Variants in WDR86 observed in about 807,000 individuals in gnomAD.
WDR86 encodes WD repeat-containing protein 86.
Under a neutral mutation model 36.5 loss-of-function variants are expected in WDR86, and 30 were observed. That is an observed-to-expected ratio of 0.82 (90% CI 0.61 to 1.11). The LOEUF is 1.11. Among genes scored for constraint, WDR86 ranks in the 50% most tolerant of loss-of-function variants. The probability of loss-of-function intolerance (pLI) is 0.00; values close to 1 mark genes in which losing one functional copy is unlikely to be tolerated. For missense variants in WDR86, 545 were observed against 561.2 expected, an observed-to-expected ratio of 0.97 and a Z score of 0.29; for synonymous variants, 255 against 252.9, an observed-to-expected ratio of 1.01 and a Z score of -0.08.
downstream of WDR86, among the ~76,000 whole-genome samples, chr7:151,374,776 C>A (rs1299405619): frequency 6.6e-6 from 1 of 152,176 alleles, no homozygotes; most frequent in Non-Finnish European, 1.5e-5. Flanking sequence ...CATATCGAAT[C>A]CTCAGTAGGG....
Position 151,409,964 on chromosome 7 carries a change from G to C in WDR86, c.-375C>G. 9.8e-7 allele frequency: 1 copy of C among 1,020,218 alleles called. No individual in the cohort carries two copies. Among genetic ancestry groups the C allele is most frequent in the Non-Finnish European group, 1.2e-6 (1 of 853,566 alleles). 63.2% of individuals were successfully genotyped at this position (1,020,218 alleles called of 1,614,324 possible). On this transcript the variant is annotated 5_prime_UTR_variant, in exon 1 of 6. Transcript: ENST00000334493. This position sits in a 1 kb window ranked among gnomAD's most constrained non-coding sequence, Gnocchi z 5.2. ...CCCCCCGCCTCCTCTCGCGCCCACG[G>C]GGCTGGGGCGGGGAGAGGAACACGG... is the stretch of plus-strand genomic sequence containing the variant.
downstream of WDR86, among the ~76,000 whole-genome samples, chr7:151,375,399 A>C (rs1337202669): frequency 6.6e-6 from 1 of 152,150 alleles, no homozygotes; most frequent in Admixed American, 6.5e-5. Flanking sequence ...TTGGAAAGGA[A>C]AGTCTCCACA....
chr7:151,409,573 G>C lies in WDR86; in HGVS notation c.17C>G (p.Ser6Trp), dbSNP rs1801044386. 7.1e-7 allele frequency: 1 copy of C among 1,413,310 alleles called. No homozygotes were observed. The highest frequency in any genetic ancestry group is 1.5e-5 in the South Asian group (1 of 65,722). The allele number at this position is 1,413,310 out of a possible 1,614,324, so 87.5% of individuals were successfully genotyped here. The part of the protein sequence containing the change: MGGGG[S>W]ALRVCADHRG... ...GTGGTCGGCGCAGACCCTCAGGGCC[G>C]ACCCGCCGCCCCCCATCCCGCTGGC... The change falls in exon 1 of 6, where the codon TCG becomes TGG. Residue 6 changes from serine (S) to tryptophan (W), a missense_variant. Transcript: ENST00000334493. The surrounding 1 kb of genome is among the most constrained non-coding windows in gnomAD (Gnocchi z 5.2).
Position 151,390,641 on chromosome 7 carries a change from G to A in WDR86, c.726+5135C>T, listed in dbSNP as rs73171850. ...AACAGCTGAAAGGTGAAAGCAACCC[G>A]TGTGTCTATCAACAGGTGACGGATA... On this transcript the variant is annotated intron_variant, in intron 3 of 5. Transcript: ENST00000334493. The surrounding 1 kb of genome is among the most constrained non-coding windows in gnomAD (Gnocchi z 4.5). Among the ~76,000 whole-genome samples, 1,453 of 152,338 alleles carry A rather than the reference G, an allele frequency of 9.5e-3. 13 individuals carry two copies. The highest frequency in any genetic ancestry group is 0.015 in the Non-Finnish European group (1,024 of 68,040).
rs1316754504 is a variant in WDR86, at chr7:151,381,762, C to A, written c.967-16G>T. 6.7e-7 allele frequency: 1 copy of A among 1,490,550 alleles called. No individual in the cohort carries two copies. Among genetic ancestry groups the A allele is most frequent in the Non-Finnish European group, 8.9e-7 (1 of 1,122,066 alleles). 92.3% of individuals were successfully genotyped at this position (1,490,550 alleles called of 1,614,324 possible). ...GGCCGTGCACCTGCGGGCGCAGGGGCGGGCGTCACCGGTGACGCGGTAGGC... is the reference window on the plus strand; with the variant it reads ...GGCCGTGCACCTGCGGGCGCAGGGGAGGGCGTCACCGGTGACGCGGTAGGC... On this transcript the variant is annotated splice_polypyrimidine_tract_variant and intron_variant, in intron 5 of 5. Transcript: ENST00000334493. The surrounding 1 kb of genome is among the most constrained non-coding windows in gnomAD (Gnocchi z 4.8).
intron 4 of WDR86, among the ~76,000 whole-genome samples, chr7:151,383,060 C>T (rs977119611): frequency 2.3e-4 from 35 of 149,546 alleles, no homozygotes; most frequent in Non-Finnish European, 4.6e-4. Context: ...TCTTAGCTCA[C>T]TGTTAACCTT....
chr7:151,409,146 G>T lies in WDR86; in HGVS notation c.163+281C>A. 1.5e-6 allele frequency: 1 copy of T among 665,104 alleles called. No homozygotes were observed. The allele number at this position is 665,104 out of a possible 1,614,324, so 41.2% of individuals were successfully genotyped here. A position where few individuals can be genotyped will look rare whatever the true frequency, so the allele number is the denominator to read the frequency against. ...CAAGGGAGATTTCCTGCCGCTGGTT[G>T]ACAAATGATCTTCGCCTTTGTAGCG... On this transcript the variant is annotated intron_variant, in intron 1 of 5. Transcript: ENST00000334493. The surrounding 1 kb of genome is among the most constrained non-coding windows in gnomAD (Gnocchi z 5.2).
chr7:151,407,095 AT>A (rs1311113700), intron 1 of WDR86, among the ~76,000 whole-genome samples: 2 of 152,212 alleles, frequency 1.3e-5, no homozygotes, highest in African/African-American at 4.8e-5. Context: ...GTCCTTGAAA[AT>A]TCCTGAAAAT....
downstream of WDR86, chr7:151,376,261 C>T: frequency 4.3e-6 from 2 of 466,024 alleles, no homozygotes; most frequent in South Asian, 2.4e-5. Context: ...ACCTGGGAAA[C>T]CCATCCAGCT....
chr7:151,402,070 A>AAAAAAAAAAATATATATATATATAT, intron 1 of WDR86, among the ~76,000 whole-genome samples: 11 of 50,506 alleles, frequency 2.2e-4, no homozygotes, highest in Non-Finnish European at 3.3e-4. Context: ...AAAAAAAAAA[A>AAAAAAAAAAATATATATATATATAT]ATATATATAT....
At chr7:151,380,437 G>A (rs1350840651), downstream of WDR86, among the ~76,000 whole-genome samples, 2 of 152,142 alleles carry the variant, frequency 1.3e-5, no homozygotes, top group African/African-American at 2.4e-5. Flanking sequence ...TCCACTTGAA[G>A]GGGCTGCTCC....
At position 151,395,805 on chromosome 7, in the gene WDR86, C is replaced by T. The variant is rs753875164; in HGVS notation, c.697G>A (p.Glu233Lys). The change falls in exon 3 of 6, where the codon GAG becomes AAG. Residue 233 changes from glutamate to lysine, a missense_variant. By Grantham distance (56) the Glu-to-Lys change is moderately conservative. Coordinates refer to ENST00000334493, the MANE Select transcript of WDR86 (RefSeq NM_198285.3). ...LSGEQLRVFR[E>K]HRGSVICLEL... ...AGACAGATGACGGAGCCCCGGTGCT[C>T]CCGGAACACCCGCAGCTGCTCCCCA... The T allele has an allele frequency of 2.6e-6, 4 of 1,567,656 alleles. No homozygotes were observed. In the Admixed American group the frequency reaches 7.5e-5, roughly 29 times the overall value.
chr7:151,389,169 T>C (rs1799216193), intron 3 of WDR86, among the ~76,000 whole-genome samples: 1 of 150,094 alleles, frequency 6.7e-6, no homozygotes, highest in Non-Finnish European at 1.5e-5. Flanking sequence ...TTGCCTAGGC[T>C]GGTCTGGGAA....
intron 3 of WDR86, among the ~76,000 whole-genome samples, chr7:151,392,766 C>T (rs1799527405): frequency 6.6e-6 from 1 of 152,198 alleles, no homozygotes; most frequent in Non-Finnish European, 1.5e-5. Context: ...TCCTTCCTTG[C>T]CCTCCCTCTT....
downstream of WDR86, among the ~76,000 whole-genome samples, chr7:151,380,156 A>C (rs1798482728): frequency 1.3e-5 from 2 of 152,210 alleles, no homozygotes; most frequent in African/African-American, 4.8e-5. Context: ...GCCTCCCAAC[A>C]GGCCCATTTT....
chr7:151,376,731 G>T, downstream of WDR86: 1 of 1,604,312 alleles, frequency 6.2e-7, no homozygotes, highest in East Asian at 2.3e-5. Flanking sequence ...GCTCACAACG[G>T]AGGAAGCCTG....
intron 3 of WDR86, among the ~76,000 whole-genome samples, chr7:151,385,716 G>A (rs1798926109): frequency 6.6e-6 from 1 of 152,114 alleles, no homozygotes; most frequent in Non-Finnish European, 1.5e-5. Flanking sequence ...CTGTCACGGG[G>A]TCACTGCTCC....
At position 151,405,287 on chromosome 7, in the gene WDR86, C is replaced by G. The variant is rs973577092; in HGVS notation, c.163+4140G>C. Among the ~76,000 whole-genome samples the G allele has an allele frequency of 6.6e-6, 1 of 152,156 alleles. No individual in the cohort carries two copies. The highest frequency in any genetic ancestry group is 2.4e-5 in the African/African-American group (1 of 41,432). On this transcript the variant is annotated intron_variant, in intron 1 of 5. Transcript: ENST00000334493. This position sits in a 1 kb window ranked among gnomAD's most constrained non-coding sequence, Gnocchi z 4.7. ...AGGATATGTTCCCCTCCCCCAGCTC[C>G]GACCCTGCAGGGCTCCCTCAGGCTG...
chr7:151,399,620 T>A (rs948070234), intron 2 of WDR86, among the ~76,000 whole-genome samples: 2 of 152,188 alleles, frequency 1.3e-5, no homozygotes, highest in Non-Finnish European at 2.9e-5. Flanking sequence ...TCCAACCTTC[T>A]TGAGAAGGAG....
Sources: gnomAD v4.1 joint callset for allele counts (sites outside exome capture counted in the v4.1 genomes callset) on GRCh38, gnomAD v4.1.1 for gene constraint, Gnocchi (gnomAD v3.1) non-coding constraint, MANE v1.5 for transcripts, NCBI Gene and HGNC (gene_info 2026-07-23, HGNC 2026-07-21) for gene names.